The following ZIC5 variants were observed in gnomAD, a reference collection of about 807,000 sequenced individuals.
ZIC5 encodes the protein zinc finger protein ZIC 5.
ZIC5 carries 20 observed loss-of-function variants against 28.5 expected under a neutral mutation model. The ratio of observed to expected loss-of-function variants is 0.70; its 90% CI spans 0.49 to 1.02. The LOEUF (loss-of-function observed/expected upper bound fraction) is 1.02. Ranked by LOEUF, ZIC5 falls within the 50% of genes least tolerant of loss-of-function variation. ZIC5 has a pLI of 0.00. For missense variants in ZIC5, 951 were observed against 899.7 expected (o/e 1.06, Z -0.73); for synonymous variants, 488 against 410.4 (o/e 1.19, Z -2.29).
rs2053129128 is a variant in ZIC5 at position 99,969,486 on chromosome 13, GA to G, written c.1477+640del. 4.3e-5 allele frequency among the ~76,000 whole-genome samples: 3 copies of G among 69,768 alleles called. No individual in the cohort carries two copies. The East Asian group carries it at 8.9e-3, about 206-fold the overall frequency. The allele number at this position is 69,768 out of a possible 152,430, so 45.8% of individuals were successfully genotyped here. On this transcript the variant is annotated intron_variant, in intron 1 of 1. Coordinates refer to ENST00000267294, the MANE Select transcript of ZIC5 (RefSeq NM_033132.5). ...TGTAAAGTTGTGGGAGACGCACGCAGAAGAAGGTGTGCGTGAAGAGTGTGTC... is the reference window on the plus strand; with the variant it reads ...TGTAAAGTTGTGGGAGACGCACGCAGAGAAGGTGTGCGTGAAGAGTGTGTC...
At position 99,970,720 on chromosome 13, in the gene ZIC5, G is replaced by A. The variant is rs2053148105; in HGVS notation, c.884C>T (p.Ala295Val). ...GTAGCCGTGCAGGGCGGCCGCCGCT[G>A]CGGCCGCAACCGCCCCGTAGTGCGC... ...GDAHYGAVAA[A>V]AAAALHGYGA... Residue 295 changes from alanine (A) to valine (V), a missense_variant, in exon 1 of 2, where the codon GCA becomes GTA. This residue lies in a region of ZIC5 where 784 missense variants were observed against 660.1 expected (regional missense o/e 1.19). Coordinates refer to ENST00000267294, the MANE Select transcript of ZIC5 (RefSeq NM_033132.5). 2 of 1,199,790 alleles carry A rather than the reference G, an allele frequency of 1.7e-6. No individual in the cohort carries two copies. Among genetic ancestry groups the A allele is most frequent in the Non-Finnish European group, 2.1e-6 (2 of 963,758 alleles). The allele number at this position is 1,199,790 out of a possible 1,614,324, so 74.3% of individuals were successfully genotyped here.
chr13:99,969,478 C>T (rs1162815194), intron 1 of ZIC5, among the ~76,000 whole-genome samples: 1 of 129,274 alleles, frequency 7.7e-6, no homozygotes, highest in Non-Finnish European at 1.7e-5. Flanking sequence ...TTGTGGGAGA[C>T]GCACGCAGAA....
In ZIC5 at chr13:99,965,025, A is replaced by G. The variant is rs866065823; in HGVS notation, c.*352T>C. 3.8e-3 allele frequency: 554 copies of G among 144,920 alleles called. 2 individuals are homozygous for G. Among genetic ancestry groups the G allele is most frequent in the Middle Eastern group, 0.011 (3 of 276 alleles). The allele number at this position is 144,920 out of a possible 1,614,324, so 9.0% of individuals were successfully genotyped here. A position where few individuals can be genotyped will look rare whatever the true frequency, so the allele number is the denominator to read the frequency against. ...AAAAATAATATATATATATATGTAT[A>G]TATATATATATATATATATTGCATC... On this transcript the variant is annotated 3_prime_UTR_variant, in exon 2 of 2. Coordinates refer to ENST00000267294, the MANE Select transcript of ZIC5 (RefSeq NM_033132.5).
At position 99,971,223 on chromosome 13, in the gene ZIC5, C is replaced by A. The variant is rs920768828; in HGVS notation, c.381G>T (p.Pro127=). 2 of 135,912 alleles carry A rather than the reference C, an allele frequency of 1.5e-5. No homozygotes were observed. The highest frequency in any genetic ancestry group is 2.0e-4 in the African/African-American group (2 of 9,788). 8.4% of individuals were successfully genotyped at this position (135,912 alleles called of 1,614,324 possible). The change falls in exon 1 of 2, where the codon CCG becomes CCT. Residue 127 remains proline (P), a synonymous_variant. Transcript: ENST00000267294. The stretch of plus-strand genomic sequence containing the variant: ...TGGGAGGAAGAGGAGGGGCTGGGGG[C>A]GGGGGCGCGGAGGGCTGCGCGCCAC... ...GSSGAQPSAP[P]PPAPPLPPTP...
In ZIC5 at chr13:99,970,264, G is replaced by T; in HGVS notation, c.1340C>A (p.Pro447His). 1 of 1,613,930 alleles carries T rather than the reference G, an allele frequency of 6.2e-7. No individual in the cohort carries two copies. Among genetic ancestry groups the T allele is most frequent in the Non-Finnish European group, 8.5e-7 (1 of 1,179,894 alleles). The change falls in exon 1 of 2, where the codon CCC becomes CAC. Residue 447 changes from proline (P) to histidine (H), a missense_variant. This residue lies in a region of ZIC5 where 784 missense variants were observed against 660.1 expected (regional missense o/e 1.19). Transcript: ENST00000267294. ...GATGAGCTTGTATTTGGCCTTGAAG[G>T]GCTTGCCCTCGCGCGGACAGTCCTC... ...FWEDCPREGK[P>H]FKAKYKLINH...
chr13:99,968,771 C>G (rs1340180459), intron 1 of ZIC5, among the ~76,000 whole-genome samples: 2 of 152,172 alleles, frequency 1.3e-5, no homozygotes, highest in African/African-American at 4.8e-5. Flanking sequence ...AAGTTTCTTC[C>G]TGGAAAAATC....
intron 1 of ZIC5, among the ~76,000 whole-genome samples, chr13:99,968,153 C>G (rs1025075581): frequency 6.6e-6 from 1 of 152,190 alleles, no homozygotes; most frequent in African/African-American, 2.4e-5. Context: ...CCGGATAACC[C>G]CCAAAAGGGA....
Position 99,965,453 on chromosome 13 carries a change from G to A in ZIC5, c.1844C>T (p.Ser615Phe). 3 of 1,614,128 alleles carry A rather than the reference G, an allele frequency of 1.9e-6. No homozygotes were observed. The highest frequency in any genetic ancestry group is 2.5e-6 in the Non-Finnish European group (3 of 1,180,034). Residue 615 changes from serine (S) to phenylalanine (F), a missense_variant, in exon 2 of 2, where the codon TCC becomes TTC. Ser to Phe is a radical substitution (Grantham distance 155). Around this residue, in one of 3 missense-constraint regions of ZIC5, gnomAD observed 108 missense variants for 118.4 expected, o/e 0.91. Transcript: ENST00000267294. ...SGAPSHLHTP[S>F]SNGTTSETED... Reference sequence around the variant, plus strand: ...AGTCTCAGAGGTGGTTCCGTTGCTGGAAGGGGTGTGGAGGTGGCTGGGGGC... The same window carrying A: ...AGTCTCAGAGGTGGTTCCGTTGCTGAAAGGGGTGTGGAGGTGGCTGGGGGC...
At position 99,971,375 on chromosome 13, in the gene ZIC5, T is replaced by C. The variant is rs968930184; in HGVS notation, c.229A>G (p.Thr77Ala). 6.8e-7 allele frequency: 1 copy of C among 1,477,706 alleles called. No individual in the cohort carries two copies. Among genetic ancestry groups the C allele is most frequent in the East Asian group, 2.5e-5 (1 of 39,300 alleles). 91.5% of individuals were successfully genotyped at this position (1,477,706 alleles called of 1,614,324 possible). The stretch of plus-strand genomic sequence containing the variant: ...TGGGAGGGAGGGCTGAGGCCCAGCG[T>C]GCTCGCCTGGGCCATGTGCTCGGGT... ...LGPEHMAQAS[T>A]LGLSPPSQAF... is the part of the protein sequence containing the mutation. Residue 77 changes from threonine (T) to alanine (A), a missense_variant, in exon 1 of 2, where the codon ACG (threonine) becomes GCG (alanine). Thr to Ala is a moderately conservative substitution (Grantham distance 58). Around this residue, in one of 3 missense-constraint regions of ZIC5, gnomAD observed 784 missense variants for 660.1 expected, o/e 1.19. Transcript: ENST00000267294.
rs2053075520 is a variant in ZIC5 at position 99,963,817 on chromosome 13, G to GTTCACATA, written c.*1552_*1559dup. 6.6e-6 allele frequency: 1 copy of GTTCACATA among 151,384 alleles called. No individual in the cohort carries two copies. Among genetic ancestry groups the GTTCACATA allele is most frequent in the Non-Finnish European group, 1.5e-5 (1 of 67,882 alleles). The allele number at this position is 151,384 out of a possible 1,614,324, so 9.4% of individuals were successfully genotyped here. ...TTAATTCAACTGTACAAATAATAGT[G>GTTCACATA]TTCACATACAAGTTATTAACAATGA... On this transcript the variant is annotated 3_prime_UTR_variant, in exon 2 of 2. Transcript: ENST00000267294.
At chr13:99,967,773 G>A (rs1039024823) in intron 1 of ZIC5, among the ~76,000 whole-genome samples, 8 of 152,204 alleles carry the variant, frequency 5.3e-5, no homozygotes, top group Admixed American at 2.0e-4. Flanking sequence ...TAAAGGAAGA[G>A]GTGCACGGAG....
intron 1 of ZIC5, among the ~76,000 whole-genome samples, chr13:99,966,573 A>C (rs183929681): frequency 1.5e-4 from 23 of 152,358 alleles, no homozygotes; most frequent in Admixed American, 2.0e-4. Flanking sequence ...AGCACAGCAG[A>C]TCGAGCTTTA....
chr13:99,970,830 G>C lies in ZIC5; in HGVS notation c.774C>G (p.Arg258=), dbSNP rs1417708106. 1.6e-6 allele frequency: 2 copies of C among 1,232,682 alleles called. No homozygotes were observed. Among genetic ancestry groups the C allele is most frequent in the South Asian group, 3.4e-5 (1 of 29,202 alleles). The allele number at this position is 1,232,682 out of a possible 1,614,324, so 76.4% of individuals were successfully genotyped here. The change falls in exon 1 of 2, where the codon CGC becomes CGG. Residue 258 remains arginine (R), a synonymous_variant. Coordinates refer to ENST00000267294, the MANE Select transcript of ZIC5 (RefSeq NM_033132.5). ...GHPHPLNGQM[R]LGLAAAAAAA... ...CTGCCGCTGCCGCCGCCAGCCCCAG[G>C]CGCATCTGGCCGTTGAGCGGGTGCG...
upstream of ZIC5, chr13:99,971,853 G>A (rs1262623468): frequency 1.1e-5 from 8 of 750,938 alleles, no homozygotes; most frequent in Non-Finnish European, 1.7e-5. Flanking sequence ...ATTGGCAGTA[G>A]CCTCGGCTGC....
Position 99,971,608 on chromosome 13 carries a change from A to C in ZIC5, c.-5T>G. 1.3e-6 allele frequency: 2 copies of C among 1,558,316 alleles called. No homozygotes were observed. Among genetic ancestry groups the C allele is most frequent in the Admixed American group, 3.8e-5 (2 of 52,232 alleles). On this transcript the variant is annotated 5_prime_UTR_variant, in exon 1 of 2. Transcript: ENST00000267294. ...CTTGCTCAAAGGGGGCTCCATCAGA[A>C]CTACACAATCAGGCCCATAGACCCT... is the stretch of plus-strand genomic sequence containing the variant.
chr13:99,971,517 C>G lies in ZIC5; in HGVS notation c.87G>C (p.Met29Ile), dbSNP rs756502590. 7 of 1,551,890 alleles carry G rather than the reference C, an allele frequency of 4.5e-6. No individual in the cohort carries two copies. In the South Asian group the frequency reaches 8.3e-5, roughly 18 times the overall value. The change falls in exon 1 of 2, where the codon ATG becomes ATC. Residue 29 changes from methionine to isoleucine, a missense_variant. By Grantham distance (10) the Met-to-Ile change is conservative (BLOSUM62 1). Transcript: ENST00000267294. The stretch of plus-strand genomic sequence containing the variant: ...GGCCGGCCAGCGCCGGGAAGCCTGT[C>G]ATATTCTGAAGCGGCTGGACCTGAG... ...ATAQVQPLQN[M>I]TGFPALAGPP...
chr13:99,965,878 A>G, intron 1 of ZIC5, 59 bp from the exon 2 acceptor site: 1 of 1,529,648 alleles, frequency 6.5e-7, no homozygotes, highest in Non-Finnish European at 8.8e-7. Flanking sequence ...TCTTGACAGA[A>G]ATCTTGAAGC....
chr13:99,971,082 G>T lies in ZIC5; in HGVS notation c.522C>A (p.Val174=). The T allele has an allele frequency of 7.0e-7, 1 of 1,434,732 alleles. No homozygotes were observed. Among genetic ancestry groups the T allele is most frequent in the Non-Finnish European group, 9.1e-7 (1 of 1,104,838 alleles). The allele number at this position is 1,434,732 out of a possible 1,614,324, so 88.9% of individuals were successfully genotyped here. ...SSGKGHSRDF[V]LRRDLSATAP... ...CCGTGGCGGAAAGGTCCCTCCGGAG[G>T]ACGAAGTCCCTGCTGTGGCCTTTGC... The change falls in exon 1 of 2, where the codon GTC becomes GTA. Residue 174 remains valine (V), a synonymous_variant. Coordinates refer to ENST00000267294, the MANE Select transcript of ZIC5 (RefSeq NM_033132.5).
chr13:99,970,359 G>C lies in ZIC5; in HGVS notation c.1245C>G (p.His415Gln), dbSNP rs751843721. The C allele has an allele frequency of 2.2e-5, 35 of 1,603,356 alleles. No individual in the cohort carries two copies. The highest frequency in any genetic ancestry group is 4.3e-6 in the Non-Finnish European group (5 of 1,176,188). Residue 415 changes from histidine (H) to glutamine (Q), a missense_variant, in exon 1 of 2, where the codon CAC (histidine) becomes CAG (glutamine). Coordinates refer to ENST00000267294, the MANE Select transcript of ZIC5 (RefSeq NM_033132.5). ...CCACCGTGACGTGATTCACCAGCTC[G>C]TGCATGGTGCCGAAAGTTTTGGAGC... ...KPCSKTFGTM[H>Q]ELVNHVTVEH...
Sources: gnomAD v4.1 joint callset for allele counts (sites outside exome capture counted in the v4.1 genomes callset) on GRCh38, gnomAD v4.1.1 for gene constraint, gnomAD v4.1.1 regional missense constraint, MANE v1.5 for transcripts, NCBI Gene and HGNC (gene_info 2026-07-23, HGNC 2026-07-21) for gene names.